Variants in CEP63 observed in about 807,000 individuals in gnomAD.
CEP63 encodes centrosomal protein of 63 kDa.
A neutral mutation model predicts 89.1 loss-of-function variants in CEP63; 84 were observed. The ratio of observed to expected loss-of-function variants is 0.94; its 90% CI spans 0.79 to 1.13. The LOEUF (loss-of-function observed/expected upper bound fraction) is 1.13, where lower values mean the gene tolerates loss of function less well. Ranked by LOEUF, CEP63 falls within the 50% of genes most tolerant of loss-of-function variation. CEP63 has a pLI of 0.00. For missense variants in CEP63, 838 were observed against 813.3 expected, an observed-to-expected ratio of 1.03 and a Z score of -0.37; for synonymous variants, 267 against 272.5, an observed-to-expected ratio of 0.98 and a Z score of 0.20.
chr3:134,646,727 G>C, the CEP63 span, among the ~76,000 whole-genome samples: 3 of 152,118 alleles, frequency 2.0e-5, no homozygotes, highest in African/African-American at 7.2e-5. Flanking sequence ...CTGATCCTAG[G>C]GCTCACATAG....
the CEP63 span, among the ~76,000 whole-genome samples, chr3:134,622,267 GT>G: frequency 2.6e-4 from 39 of 152,230 alleles, no homozygotes; most frequent in Admixed American, 2.0e-3. Flanking sequence ...TTTCCCCAAT[GT>G]TCATTGCAGC....
the CEP63 span, among the ~76,000 whole-genome samples, chr3:134,746,407 C>T: frequency 5.4e-3 from 815 of 152,264 alleles, 8 homozygotes; most frequent in African/African-American, 0.019. Context: ...TTTATAGTAG[C>T]ATGATTTATA....
chr3:134,604,756 A>T, the CEP63 span, among the ~76,000 whole-genome samples: 4 of 152,154 alleles, frequency 2.6e-5, no homozygotes, highest in African/African-American at 9.7e-5. Context: ...AGAAAAATTT[A>T]TCCCAAGCTG....
At chr3:134,530,022 C>G (rs896332399) in intron 3 of CEP63, among the ~76,000 whole-genome samples, 2 of 151,820 alleles carry the variant, frequency 1.3e-5, no homozygotes, top group Admixed American at 1.3e-4. Flanking sequence ...TACAGGCACC[C>G]GCCACCACAC....
chr3:134,658,793 T>G, the CEP63 span, among the ~76,000 whole-genome samples: 1 of 152,210 alleles, frequency 6.6e-6, no homozygotes, highest in South Asian at 2.1e-4. Flanking sequence ...AGCTTGGTTC[T>G]GAGACAGCGC....
At chr3:134,718,548 TGTGGG>T in the CEP63 span, among the ~76,000 whole-genome samples, 1 of 152,236 alleles carries the variant, frequency 6.6e-6, no homozygotes, top group Non-Finnish European at 1.5e-5. Flanking sequence ...TGTTCTGCCC[TGTGGG>T]TTAGACAGAA....
At chr3:134,670,002 C>G in the CEP63 span, among the ~76,000 whole-genome samples, 1 of 152,252 alleles carries the variant, frequency 6.6e-6, no homozygotes, top group South Asian at 2.1e-4. Flanking sequence ...CCTGAGAGCT[C>G]CCTTGCCCTT....
the CEP63 span, among the ~76,000 whole-genome samples, chr3:134,735,222 A>G: frequency 6.6e-6 from 1 of 152,144 alleles, no homozygotes; most frequent in Admixed American, 6.5e-5. Context: ...CAAGCATTAT[A>G]GATGTTACTT....
At chr3:134,702,480 A>AG in the CEP63 span, among the ~76,000 whole-genome samples, 1 of 152,322 alleles carries the variant, frequency 6.6e-6, no homozygotes, top group Admixed American at 6.5e-5. Context: ...ACTATACTAC[A>AG]GGGCTACAGT....
chr3:134,621,841 TA>T, the CEP63 span, among the ~76,000 whole-genome samples: 1 of 152,022 alleles, frequency 6.6e-6, no homozygotes, highest in Non-Finnish European at 1.5e-5. Context: ...ATATCCAGAA[TA>T]TAAAAAGAAC....
intron 10 of CEP63, among the ~76,000 whole-genome samples, chr3:134,581,587 GCAAA>G (rs756169625): frequency 6.0e-5 from 9 of 150,576 alleles, no homozygotes; most frequent in East Asian, 2.0e-4. Flanking sequence ...GTCTCAAAAA[GCAAA>G]CAAACAAACA....
At chr3:134,693,518 C>T in the CEP63 span, among the ~76,000 whole-genome samples, 1 of 152,204 alleles carries the variant, frequency 6.6e-6, no homozygotes, top group Non-Finnish European at 1.5e-5. Flanking sequence ...AAACACAATT[C>T]GTAATCAATG....
chr3:134,651,162 C>T, the CEP63 span: 1 of 1,434,312 alleles, frequency 7.0e-7, no homozygotes, highest in Non-Finnish European at 9.1e-7. Flanking sequence ...GAGGGCGCTA[C>T]CCTAATGAAG....
At chr3:134,602,161 C>T in the CEP63 span, among the ~76,000 whole-genome samples, 16,071 of 152,140 alleles carry the variant, frequency 0.11, 1,132 homozygotes, top group Middle Eastern at 0.19. Flanking sequence ...CCAGGGGCCA[C>T]GGAGCTGGAG....
chr3:134,545,846 G>C, intron 7 of CEP63, 27 bp downstream of exon 7: 1 of 1,519,036 alleles, frequency 6.6e-7, no homozygotes, highest in Non-Finnish European at 9.1e-7. Flanking sequence ...CTATAATTGG[G>C]GGAAGTGTGT....
the CEP63 span, among the ~76,000 whole-genome samples, chr3:134,735,647 C>T: frequency 6.6e-6 from 1 of 152,080 alleles, no homozygotes; most frequent in Non-Finnish European, 1.5e-5. Flanking sequence ...AACATGTTTA[C>T]AAATTACCAC....
intron 11 of CEP63, among the ~76,000 whole-genome samples, chr3:134,550,659 A>G (rs1430492726): frequency 1.3e-5 from 2 of 152,214 alleles, no homozygotes; most frequent in African/African-American, 4.8e-5. Flanking sequence ...GGTTGAAACT[A>G]GAGTACAAGT....
chr3:134,701,286 GTA>G, the CEP63 span, among the ~76,000 whole-genome samples: 7 of 52,768 alleles, frequency 1.3e-4, 1 homozygote, highest in Admixed American at 4.7e-4. Context: ...ACATATATAC[GTA>G]TATATGTGTA....
chr3:134,747,023 C>T, the CEP63 span, among the ~76,000 whole-genome samples: 57 of 152,154 alleles, frequency 3.7e-4, no homozygotes, highest in African/African-American at 1.3e-3. Context: ...ATGGTATTGC[C>T]TAGGTTTTCT....
Sources: gnomAD v4.1 joint callset for allele counts (sites outside exome capture counted in the v4.1 genomes callset) on GRCh38, gnomAD v4.1.1 for gene constraint, MANE v1.5 for transcripts, NCBI Gene and HGNC (gene_info 2026-07-23, HGNC 2026-07-21) for gene names.